ZNF407: variants seen among roughly 807,000 people sequenced by gnomAD.
ZNF407 encodes zinc finger protein 407.
ZNF407 carries 17 observed loss-of-function variants against 131.2 expected under a neutral mutation model. The observed-to-expected ratio is 0.13, with a 90% CI of 0.09 to 0.19. The LOEUF (loss-of-function observed/expected upper bound fraction) is 0.19. Among genes scored for constraint, ZNF407 ranks in the 10% least tolerant of loss-of-function variants. ZNF407 has a pLI of 1.00. For synonymous variants in ZNF407, 1,156 were observed against 1,062.0 expected, an observed-to-expected ratio of 1.09 and a Z score of -1.72; for missense variants, 2,681 against 2,830.6, an observed-to-expected ratio of 0.95 and a Z score of 1.20.
intron 4 of ZNF407, among the ~76,000 whole-genome samples, chr18:74,818,930 C>A (rs183918735): frequency 2.3e-4 from 34 of 148,688 alleles, no homozygotes; most frequent in Middle Eastern, 3.6e-3. Context: ...CTTGATAAAT[C>A]ATAAAGAAAA....
At chr18:74,630,470 C>G (rs936253413) in intron 1 of ZNF407, among the ~76,000 whole-genome samples, 7 of 152,164 alleles carry the variant, frequency 4.6e-5, no homozygotes, top group African/African-American at 1.7e-4. Context: ...CACGCCTGGC[C>G]GAAACAGTTG....
intron 3 of ZNF407, among the ~76,000 whole-genome samples, chr18:74,660,647 T>C (rs562084088): frequency 1.2e-3 from 186 of 152,266 alleles, no homozygotes; most frequent in African/African-American, 4.4e-3. Context: ...TCCTATGTTT[T>C]AAGTTCATCA....
intron 7 of ZNF407, among the ~76,000 whole-genome samples, chr18:74,902,304 C>T (rs1423725291): frequency 6.6e-6 from 1 of 152,184 alleles, no homozygotes; most frequent in Non-Finnish European, 1.5e-5. Context: ...AACCTGCGCA[C>T]AGCAGTTATT....
chr18:74,869,004 A>C (rs1174930830), intron 4 of ZNF407, among the ~76,000 whole-genome samples: 1 of 152,226 alleles, frequency 6.6e-6, no homozygotes, highest in African/African-American at 2.4e-5. Context: ...GTTGGTTGAT[A>C]GAGAAGTAGC....
chr18:74,755,582 G>GTTTTTTTT lies in ZNF407; in HGVS notation c.4803-25831_4803-25824dup, dbSNP rs541126314. On this transcript the variant is annotated intron_variant, in intron 3 of 8. Coordinates refer to ENST00000299687, the MANE Select transcript of ZNF407 (RefSeq NM_017757.3). ...TTCCTTCCTTCCTTCCTCCTTTCTG[G>GTTTTTTTT]TTTTTTTTTTTTTTTTTTTTTTCTG... Among the ~76,000 whole-genome samples the GTTTTTTTT allele has an allele frequency of 1.6e-3, 142 of 87,312 alleles. 1 individual carries two copies. Among genetic ancestry groups the GTTTTTTTT allele is most frequent in the African/African-American group, 7.9e-3 (139 of 17,580 alleles). 57.3% of individuals were successfully genotyped at this position (87,312 alleles called of 152,430 possible).
At chr18:74,804,411 C>G in intron 4 of ZNF407, 1 of 1,001,920 alleles carries the variant, frequency 1.0e-6, no homozygotes. Context: ...CAGTAAGGAA[C>G]ATATTAATTA....
At chr18:74,782,853 T>C (rs1202234783) in intron 4 of ZNF407, among the ~76,000 whole-genome samples, 1 of 152,146 alleles carries the variant, frequency 6.6e-6, no homozygotes, top group African/African-American at 2.4e-5. Flanking sequence ...TCTCCTAATC[T>C]CGTGATCCCA....
At chr18:74,714,640 G>T (rs1967847919) in intron 3 of ZNF407, among the ~76,000 whole-genome samples, 1 of 152,016 alleles carries the variant, frequency 6.6e-6, no homozygotes, top group South Asian at 2.1e-4. Context: ...TTAAATCAAA[G>T]AATTTTTAAA....
chr18:75,001,475 G>A (rs1294526020), intron 8 of ZNF407, among the ~76,000 whole-genome samples: 1 of 152,146 alleles, frequency 6.6e-6, no homozygotes, highest in Non-Finnish European at 1.5e-5. Context: ...TCTGGGCAAA[G>A]AGCACATTTT....
At chr18:74,712,136 T>G (rs994372204) in intron 3 of ZNF407, among the ~76,000 whole-genome samples, 1 of 152,218 alleles carries the variant, frequency 6.6e-6, no homozygotes, top group African/African-American at 2.4e-5. Context: ...GCTTGCTCAT[T>G]TCAGGAGTTG....
intron 3 of ZNF407, among the ~76,000 whole-genome samples, chr18:74,720,927 C>CTTT (rs34746909): frequency 3.5e-5 from 5 of 143,626 alleles, no homozygotes; most frequent in African/African-American, 2.5e-5. Flanking sequence ...ATACCTTCAG[C>CTTT]TTTTTTTTTT....
Position 75,063,160 on chromosome 18 carries a change from C to G in ZNF407, c.5439C>G (p.Ser1813=), listed in dbSNP as rs775448784. 19 of 1,577,150 alleles carry G rather than the reference C, an allele frequency of 1.2e-5. No homozygotes were observed. Among genetic ancestry groups the G allele is most frequent in the Admixed American group, 1.9e-5 (1 of 54,022 alleles). ...DLAYLHAGIV[S]KSYECRLKGQ... ...CCCTGTCTCCCTTAGGCATTGTTTC[C>G]AAGTCGTACGAGTGCCGTCTAAAGG... The change falls in exon 9 of 9, where the codon TCC becomes TCG. Residue 1813 remains serine (S), a synonymous_variant. Coordinates refer to ENST00000299687, the MANE Select transcript of ZNF407 (RefSeq NM_017757.3). The surrounding 1 kb of genome is among the most constrained non-coding windows in gnomAD (Gnocchi z 6.6).
At chr18:74,714,047 G>A (rs991607907) in intron 3 of ZNF407, among the ~76,000 whole-genome samples, 1 of 152,184 alleles carries the variant, frequency 6.6e-6, no homozygotes, top group Non-Finnish European at 1.5e-5. Context: ...CTGAGGTGTA[G>A]TAATTTTTAC....
chr18:74,844,110 C>G (rs1172765106), intron 4 of ZNF407, among the ~76,000 whole-genome samples: 2 of 152,184 alleles, frequency 1.3e-5, no homozygotes, highest in Non-Finnish European at 2.9e-5. Context: ...ATGTCCACCC[C>G]TCCAACCTTG....
At chr18:74,719,790 A>G (rs1428380767) in intron 3 of ZNF407, among the ~76,000 whole-genome samples, 1 of 150,408 alleles carries the variant, frequency 6.6e-6, no homozygotes, top group African/African-American at 2.4e-5. Flanking sequence ...ATTTCACTTA[A>G]CTTAAGTTCT....
chr18:74,981,669 T>A (rs1972595138), intron 8 of ZNF407, among the ~76,000 whole-genome samples: 1 of 146,642 alleles, frequency 6.8e-6, no homozygotes, highest in South Asian at 2.2e-4. Context: ...GAGCGCAGGA[T>A]GTGACTGGGG....
intron 8 of ZNF407, among the ~76,000 whole-genome samples, chr18:74,961,750 A>T (rs944297832): frequency 1.3e-5 from 2 of 151,544 alleles, no homozygotes; most frequent in African/African-American, 4.9e-5. Context: ...AAGTGCCCAG[A>T]TAATTGCAGT....
chr18:74,807,397 T>C (rs1331029646), intron 4 of ZNF407, among the ~76,000 whole-genome samples: 2 of 148,820 alleles, frequency 1.3e-5, no homozygotes, highest in Non-Finnish European at 2.9e-5. Context: ...GAGGTAGTCT[T>C]CGTTGTGCAT....
chr18:74,692,911 C>T (rs1177611389), intron 3 of ZNF407, among the ~76,000 whole-genome samples: 2 of 152,150 alleles, frequency 1.3e-5, no homozygotes, highest in Non-Finnish European at 2.9e-5. Context: ...CAGAGAACTG[C>T]CTGTGGTAGC....
Sources: allele counts gnomAD v4.1 joint callset (sites outside exome capture counted in the v4.1 genomes callset), GRCh38; gene constraint gnomAD v4.1.1; non-coding constraint Gnocchi (gnomAD v3.1); transcripts MANE v1.5; gene names NCBI Gene and HGNC (gene_info 2026-07-23, HGNC 2026-07-21).